Variants in KDM2A observed in about 807,000 individuals in gnomAD.
KDM2A encodes the protein lysine-specific demethylase 2A.
In KDM2A, 3 loss-of-function variants were observed where a neutral mutation model predicts 137.3. The observed-to-expected ratio is 0.02, with a 90% CI of 0.01 to 0.06. The LOEUF (loss-of-function observed/expected upper bound fraction) is 0.06, where lower values mean the gene tolerates loss of function less well. Ranked by LOEUF, KDM2A falls within the 10% of genes least tolerant of loss-of-function variation. The pLI is 1.00. For missense variants in KDM2A, 738 were observed against 1,510.6 expected (o/e 0.49, Z 8.48); for synonymous variants, 512 against 541.5 (o/e 0.95, Z 0.76).
At chr11:67,201,193 C>CA (rs35150844) in intron 5 of KDM2A, among the ~76,000 whole-genome samples, 2,464 of 111,622 alleles carry the variant, frequency 0.022, 24 homozygotes, top group East Asian at 0.055. Flanking sequence ...GACTCTGTCT[C>CA]AAAAAAAAAA....
At chr11:67,133,787 C>T (rs553313415) in intron 2 of KDM2A, among the ~76,000 whole-genome samples, 4 of 151,864 alleles carry the variant, frequency 2.6e-5, no homozygotes, top group East Asian at 1.9e-4. Flanking sequence ...CTATAACTTC[C>T]GCCTCCCAGG....
chr11:67,234,651 T>C (rs1858814715), intron 12 of KDM2A, among the ~76,000 whole-genome samples: 1 of 152,154 alleles, frequency 6.6e-6, no homozygotes, highest in Admixed American at 6.5e-5. Flanking sequence ...GGCAGATCTC[T>C]TGAGACCAGC....
chr11:67,125,280 G>A (rs1163091988), intron 2 of KDM2A, among the ~76,000 whole-genome samples: 3 of 150,940 alleles, frequency 2.0e-5, no homozygotes, highest in African/African-American at 7.3e-5. Flanking sequence ...TCCTGGTCTC[G>A]AGTGATCTTC....
chr11:67,126,707 CAAAAAA>C (rs765065960), intron 2 of KDM2A, among the ~76,000 whole-genome samples: 3 of 75,282 alleles, frequency 4.0e-5, no homozygotes, highest in African/African-American at 1.2e-4. Context: ...GACTCCATTT[CAAAAAA>C]AAAAAAAAAA....
chr11:67,129,789 T>G (rs1855811443), intron 2 of KDM2A, among the ~76,000 whole-genome samples: 1 of 150,284 alleles, frequency 6.7e-6, no homozygotes, highest in Non-Finnish European at 1.5e-5. Flanking sequence ...CACATGCCTG[T>G]AATCCCAGCT....
At chr11:67,206,388 G>A (rs1043928866) in intron 5 of KDM2A, among the ~76,000 whole-genome samples, 4 of 152,108 alleles carry the variant, frequency 2.6e-5, no homozygotes, top group South Asian at 2.1e-4. Context: ...CCAAGATTTC[G>A]CACCACTGCA....
chr11:67,234,964 G>A (rs1164196154), intron 12 of KDM2A, among the ~76,000 whole-genome samples: 1 of 151,834 alleles, frequency 6.6e-6, no homozygotes, highest in Non-Finnish European at 1.5e-5. Flanking sequence ...TGCTAACATG[G>A]TGAAACCCCG....
At chr11:67,124,218 G>T (rs973522710) in intron 2 of KDM2A, among the ~76,000 whole-genome samples, 7 of 152,088 alleles carry the variant, frequency 4.6e-5, no homozygotes, top group Non-Finnish European at 1.0e-4. Flanking sequence ...TGGCCAGGCT[G>T]GTCTTGAACT....
intron 2 of KDM2A, among the ~76,000 whole-genome samples, chr11:67,168,690 C>T (rs11227723): frequency 0.029 from 4,137 of 144,944 alleles, 109 homozygotes; most frequent in African/African-American, 0.062. Context: ...CAGCAATGTC[C>T]GTCTATCCAC....
At chr11:67,160,708 T>G (rs1464315903) in intron 2 of KDM2A, among the ~76,000 whole-genome samples, 1 of 151,966 alleles carries the variant, frequency 6.6e-6, no homozygotes, top group African/African-American at 2.4e-5. Flanking sequence ...AAGGCAGAGG[T>G]TGCAGTGAGC....
At chr11:67,161,647 C>G (rs1296361212) in intron 2 of KDM2A, among the ~76,000 whole-genome samples, 5 of 152,258 alleles carry the variant, frequency 3.3e-5, no homozygotes, top group Middle Eastern at 3.4e-3. Context: ...TTTTGTGACT[C>G]ATGCTTTAAG....
chr11:67,142,328 C>T lies in KDM2A; in HGVS notation c.42+20970C>T, dbSNP rs530935586. Among the ~76,000 whole-genome samples the T allele has an allele frequency of 3.5e-4, 53 of 151,180 alleles. 1 individual carries two copies. Among genetic ancestry groups the T allele is most frequent in the African/African-American group, 1.2e-3 (49 of 41,322 alleles). Reference sequence around the variant, plus strand: ...CTGGGATTACAGGCATGAGCCACCGCGCCCACTGTATATCTAGTTTTTTTA... The same window carrying T: ...CTGGGATTACAGGCATGAGCCACCGTGCCCACTGTATATCTAGTTTTTTTA... On this transcript the variant is annotated intron_variant, in intron 2 of 20. Transcript: ENST00000529006.
intron 5 of KDM2A, chr11:67,196,740 C>T: frequency 3.5e-6 from 1 of 286,750 alleles, no homozygotes; most frequent in Non-Finnish European, 6.9e-6. Context: ...CTTAAAACGG[C>T]CATAGTTTCA....
intron 5 of KDM2A, among the ~76,000 whole-genome samples, chr11:67,182,712 T>C (rs1590756006): frequency 6.6e-6 from 1 of 152,098 alleles, no homozygotes; most frequent in South Asian, 2.1e-4. Context: ...TTTGTATTTT[T>C]AGTAGAGTTG....
At chr11:67,246,207 C>A in intron 15 of KDM2A, 91 bp downstream of exon 15, 1 of 1,410,186 alleles carries the variant, frequency 7.1e-7, no homozygotes, top group Non-Finnish European at 9.9e-7. Context: ...GTGCCAGCAT[C>A]CCTACTGTAG....
intron 2 of KDM2A, among the ~76,000 whole-genome samples, chr11:67,175,483 C>T (rs777351174): frequency 3.7e-4 from 57 of 152,314 alleles, no homozygotes; most frequent in African/African-American, 7.7e-4. Flanking sequence ...GCCAACTTTC[C>T]AGTTGCAATA....
intron 2 of KDM2A, among the ~76,000 whole-genome samples, chr11:67,126,396 C>T (rs557726025): frequency 1.3e-5 from 2 of 151,800 alleles, no homozygotes; most frequent in Non-Finnish European, 2.9e-5. Flanking sequence ...GCAACATAGA[C>T]CCCCGTTTCT....
intron 2 of KDM2A, among the ~76,000 whole-genome samples, chr11:67,164,278 T>C (rs1054956005): frequency 3.3e-5 from 5 of 152,290 alleles, no homozygotes; most frequent in South Asian, 2.1e-4. Context: ...ATAGTAAATA[T>C]AGGTTCATAC....
intron 6 of KDM2A, among the ~76,000 whole-genome samples, chr11:67,208,451 T>C (rs1466790189): frequency 3.3e-5 from 5 of 151,838 alleles, no homozygotes; most frequent in African/African-American, 1.2e-4. Context: ...CATTGACCTT[T>C]GGATGTAACG....
Sources: allele counts gnomAD v4.1 joint callset (sites outside exome capture counted in the v4.1 genomes callset), GRCh38; gene constraint gnomAD v4.1.1; transcripts MANE v1.5; gene names NCBI Gene and HGNC (gene_info 2026-07-23, HGNC 2026-07-21).